Variants in MDGA2 observed in about 807,000 individuals in gnomAD.
The protein encoded by MDGA2 is MAM domain containing glycosylphosphatidylinositol anchor 2.
Under a neutral mutation model 117.8 loss-of-function variants are expected in MDGA2, and 40 were observed. The observed-to-expected ratio is 0.34, with a 90% CI of 0.26 to 0.44. The LOEUF (loss-of-function observed/expected upper bound fraction) is 0.44, where lower values mean the gene tolerates loss of function less well. MDGA2 is among the 20% of genes least tolerant of loss of function. MDGA2 has a pLI of 1.00. For missense variants in MDGA2, 1,123 were observed against 1,250.6 expected (o/e 0.90, Z 1.54); for synonymous variants, 452 against 439.0 (o/e 1.03, Z -0.37).
chr14:47,307,000 T>A (rs1889473511), intron 1 of MDGA2, among the ~76,000 whole-genome samples: 1 of 152,180 alleles, frequency 6.6e-6, no homozygotes, highest in Non-Finnish European at 1.5e-5. Context: ...AACATAACAA[T>A]AATCAAACTT....
chr14:46,917,384 T>TG (rs1883942234), intron 10 of MDGA2, among the ~76,000 whole-genome samples: 1 of 152,226 alleles, frequency 6.6e-6, no homozygotes, highest in South Asian at 2.1e-4. Flanking sequence ...CAAGAGTACC[T>TG]GGCCTGTGGA....
At chr14:46,948,707 G>A (rs1330208770) in intron 9 of MDGA2, among the ~76,000 whole-genome samples, 1 of 151,938 alleles carries the variant, frequency 6.6e-6, no homozygotes, top group Non-Finnish European at 1.5e-5. Context: ...TAGAATTGCT[G>A]CTTTTCTGCT....
intron 1 of MDGA2, among the ~76,000 whole-genome samples, chr14:47,470,035 CA>C (rs1893687964): frequency 2.6e-5 from 4 of 152,232 alleles, no homozygotes; most frequent in Admixed American, 1.3e-4. Context: ...AGGTCAGCTC[CA>C]TCACAGTGGC....
intron 8 of MDGA2, among the ~76,000 whole-genome samples, chr14:46,989,331 A>AG (rs1566561963): frequency 2.0e-4 from 29 of 148,442 alleles, no homozygotes; most frequent in African/African-American, 7.1e-4. Flanking sequence ...GGAAAAAAAA[A>AG]AGGGGGGTAT....
chr14:47,166,769 C>T (rs2139300787), intron 3 of MDGA2, among the ~76,000 whole-genome samples: 1 of 152,282 alleles, frequency 6.6e-6, no homozygotes, highest in African/African-American at 2.4e-5. Flanking sequence ...AAAACTTCAC[C>T]TGACGTAAGA....
At chr14:47,308,927 T>C (rs909802551) in intron 1 of MDGA2, among the ~76,000 whole-genome samples, 3 of 152,108 alleles carry the variant, frequency 2.0e-5, no homozygotes, top group Admixed American at 1.3e-4. Flanking sequence ...TTTGCTCTCC[T>C]TCAGCCTTAG....
chr14:47,173,374 A>G lies in MDGA2; in HGVS notation c.596-29100T>C, dbSNP rs577507885. Among the ~76,000 whole-genome samples, 56 of 152,318 alleles carry G rather than the reference A, an allele frequency of 3.7e-4. 1 individual carries two copies. The South Asian group carries it at 0.011, about 31-fold the overall frequency. On this transcript the variant is annotated intron_variant, in intron 3 of 16. Transcript: ENST00000399232. The stretch of plus-strand genomic sequence containing the variant: ...AGATTCACCAAAGTTGAAATGAAGG[A>G]AAAAATATTAAGGGCAGCCAGAGAG...
rs1038465375 is a variant in MDGA2, at chr14:47,493,790, T to C, written c.280+180727A>G. 9.8e-5 allele frequency among the ~76,000 whole-genome samples: 15 copies of C among 152,318 alleles called. No homozygotes were observed. In the East Asian group the frequency reaches 1.9e-3, roughly 20 times the overall value. On this transcript the variant is annotated intron_variant, in intron 1 of 16. Coordinates refer to ENST00000399232, the MANE Select transcript of MDGA2 (RefSeq NM_001113498.3). ...TGTCATTACCAATGCATATAACAAATGCAATTTTTGATTTATAATTTTTCA... is the reference window on the plus strand; with the variant it reads ...TGTCATTACCAATGCATATAACAAACGCAATTTTTGATTTATAATTTTTCA...
At chr14:47,442,178 T>C (rs1299347755) in intron 1 of MDGA2, among the ~76,000 whole-genome samples, 1 of 152,162 alleles carries the variant, frequency 6.6e-6, no homozygotes, top group Non-Finnish European at 1.5e-5. Flanking sequence ...GTTCTTGTTT[T>C]GTGATAAGTG....
chr14:47,225,265 G>A (rs1375438960), intron 2 of MDGA2, among the ~76,000 whole-genome samples: 2 of 151,974 alleles, frequency 1.3e-5, no homozygotes, highest in African/African-American at 4.8e-5. Context: ...GATCCTCAGG[G>A]ATCTAGAACT....
intron 1 of MDGA2, among the ~76,000 whole-genome samples, chr14:47,570,521 C>G (rs1895999564): frequency 6.6e-6 from 1 of 152,016 alleles, no homozygotes; most frequent in Non-Finnish European, 1.5e-5. Context: ...GTAAGTGATA[C>G]TTTTTTCTGT....
chr14:47,593,893 C>T (rs1203093236), intron 1 of MDGA2, among the ~76,000 whole-genome samples: 1 of 152,086 alleles, frequency 6.6e-6, no homozygotes, highest in East Asian at 1.9e-4. Flanking sequence ...AATAAAATAA[C>T]ATAAAATACT....
intron 6 of MDGA2, among the ~76,000 whole-genome samples, chr14:47,061,936 G>A (rs1467728093): frequency 6.6e-6 from 1 of 151,906 alleles, no homozygotes; most frequent in Non-Finnish European, 1.5e-5. Flanking sequence ...AAAATTAAAA[G>A]TAAGAATATG....
intron 1 of MDGA2, among the ~76,000 whole-genome samples, chr14:47,448,111 AT>A (rs1274143834): frequency 6.7e-6 from 1 of 149,552 alleles, no homozygotes; most frequent in Non-Finnish European, 1.5e-5. Context: ...ATGAAGCTTT[AT>A]TTGAGGCCTA....
At chr14:47,143,442 T>C (rs1184254641) in intron 4 of MDGA2, among the ~76,000 whole-genome samples, 3 of 152,202 alleles carry the variant, frequency 2.0e-5, no homozygotes, top group Admixed American at 2.0e-4. Context: ...AATTTCAATA[T>C]CTTCCTCAGG....
At chr14:47,214,051 C>T (rs960069382) in intron 3 of MDGA2, among the ~76,000 whole-genome samples, 3 of 151,976 alleles carry the variant, frequency 2.0e-5, no homozygotes, top group Non-Finnish European at 4.4e-5. Context: ...CATCAGATCT[C>T]ATAAAAACTC....
intron 1 of MDGA2, among the ~76,000 whole-genome samples, chr14:47,601,025 T>C (rs1050394491): frequency 2.0e-5 from 3 of 152,192 alleles, no homozygotes; most frequent in African/African-American, 4.8e-5. Flanking sequence ...ACAGTATAAG[T>C]ATGTTTTCAG....
Position 47,050,301 on chromosome 14 carries a change from G to T in MDGA2, c.1525+10948C>A, listed in dbSNP as rs142648328. On this transcript the variant is annotated intron_variant, in intron 7 of 16. Coordinates refer to ENST00000399232, the MANE Select transcript of MDGA2 (RefSeq NM_001113498.3). Reference sequence around the variant, plus strand: ...ATATAATCACAAAATCTGCTTAAATGGTGTCCTGAGGCGTCAGTGAAATAC... The same window carrying T: ...ATATAATCACAAAATCTGCTTAAATTGTGTCCTGAGGCGTCAGTGAAATAC... Among the ~76,000 whole-genome samples the T allele has an allele frequency of 1.4e-3, 218 of 152,154 alleles. 1 individual carries two copies. The highest frequency in any genetic ancestry group is 5.1e-3 in the African/African-American group (211 of 41,558).
At chr14:47,595,547 C>CAAAAAAAAAA (rs777715271) in intron 1 of MDGA2, among the ~76,000 whole-genome samples, 7 of 69,044 alleles carry the variant, frequency 1.0e-4, no homozygotes, top group African/African-American at 2.3e-4. Context: ...AACCAAAAAA[C>CAAAAAAAAAA]AAAAAAAAAC....
Sources: gnomAD v4.1 joint callset for allele counts (sites outside exome capture counted in the v4.1 genomes callset) on GRCh38, gnomAD v4.1.1 for gene constraint, MANE v1.5 for transcripts, NCBI Gene and HGNC (gene_info 2026-07-23, HGNC 2026-07-21) for gene names.